Variants in KCNIP4 observed in about 807,000 individuals in gnomAD.
KCNIP4 encodes the protein potassium voltage-gated channel interacting protein 4, also known as Kv channel-interacting protein 4.
A neutral mutation model predicts 34.0 loss-of-function variants in KCNIP4; 12 were observed. That is an observed-to-expected ratio of 0.35 (90% confidence interval 0.23 to 0.57). KCNIP4 has a LOEUF of 0.57. Among genes scored for constraint, KCNIP4 ranks in the 20% least tolerant of loss-of-function variants. The pLI is 0.83. For missense variants in KCNIP4, 238 were observed against 311.7 expected (o/e 0.76, Z 1.78); for synonymous variants, 124 against 102.2 (o/e 1.21, Z -1.29).
chr4:21,610,549 C>T (rs1220633498), intron 1 of KCNIP4, among the ~76,000 whole-genome samples: 4 of 151,918 alleles, frequency 2.6e-5, no homozygotes, highest in Admixed American at 2.6e-4. Context: ...ACAATTTAGC[C>T]CATAACACAG....
chr4:21,610,301 A>G (rs1744049916), intron 1 of KCNIP4, among the ~76,000 whole-genome samples: 1 of 152,220 alleles, frequency 6.6e-6, no homozygotes, highest in Non-Finnish European at 1.5e-5. Context: ...GATCTATTCT[A>G]GACCTTTCTC....
intron 1 of KCNIP4, among the ~76,000 whole-genome samples, chr4:21,895,182 T>C (rs1177833830): frequency 2.0e-5 from 3 of 152,234 alleles, no homozygotes; most frequent in Non-Finnish European, 4.4e-5. Context: ...TGTTTTGTTT[T>C]ATTTTCTTCT....
At chr4:21,060,702 A>G (rs28735441) in intron 1 of KCNIP4, among the ~76,000 whole-genome samples, 16,532 of 152,202 alleles carry the variant, frequency 0.11, 969 homozygotes, top group South Asian at 0.15. Flanking sequence ...TCTCCCTCCA[A>G]ATGCAAGCAT....
intron 1 of KCNIP4, among the ~76,000 whole-genome samples, chr4:20,948,156 C>T (rs1461647508): frequency 1.3e-5 from 2 of 152,164 alleles, no homozygotes; most frequent in Admixed American, 6.6e-5. Context: ...TTTTCTGCTC[C>T]AGATTTGGAC....
chr4:20,748,306 C>T (rs768273514), intron 5 of KCNIP4, among the ~76,000 whole-genome samples: 16 of 152,130 alleles, frequency 1.1e-4, no homozygotes, highest in Non-Finnish European at 2.1e-4. Flanking sequence ...TCTGTCCAGC[C>T]TCTGCCCCAC....
chr4:21,613,909 T>C (rs1431532716), intron 1 of KCNIP4, among the ~76,000 whole-genome samples: 2 of 151,506 alleles, frequency 1.3e-5, no homozygotes, highest in Non-Finnish European at 2.9e-5. Flanking sequence ...CTTTGGGAGG[T>C]TGAACTGGGC....
intron 1 of KCNIP4, among the ~76,000 whole-genome samples, chr4:20,975,092 C>T (rs975018388): frequency 1.3e-5 from 2 of 152,130 alleles, no homozygotes; most frequent in Non-Finnish European, 2.9e-5. Context: ...GTGGTTATAT[C>T]TTCACCAAGA....
In KCNIP4 at chr4:21,745,518, A is replaced by G. The variant is rs145905011; in HGVS notation, c.61+203053T>C. Among the ~76,000 whole-genome samples the G allele has an allele frequency of 8.7e-3, 1,330 of 152,282 alleles. 19 individuals carry two copies. The highest frequency in any genetic ancestry group is 0.039 in the South Asian group (188 of 4,824). ...GGCATAAAAATCTTAAATTAAAGAAAGCTTTACTCTGTAAATTTAAAATTC... is the reference window on the plus strand; with the variant it reads ...GGCATAAAAATCTTAAATTAAAGAAGGCTTTACTCTGTAAATTTAAAATTC... On this transcript the variant is annotated intron_variant, in intron 1 of 8. Transcript: ENST00000382152.
At chr4:21,395,063 G>A (rs1722873077) in intron 1 of KCNIP4, among the ~76,000 whole-genome samples, 1 of 152,002 alleles carries the variant, frequency 6.6e-6, no homozygotes, top group Admixed American at 6.6e-5. Context: ...AACACGTGTG[G>A]GGACCCACTC....
intron 1 of KCNIP4, among the ~76,000 whole-genome samples, chr4:21,248,564 G>A (rs1353890726): frequency 6.6e-6 from 1 of 152,062 alleles, no homozygotes; most frequent in Non-Finnish European, 1.5e-5. Context: ...CATGGTAATG[G>A]TAGATGTGAA....
In KCNIP4 at chr4:21,304,045, G is replaced by GAC; in HGVS notation, c.62-421337_62-421336insGT. 5.3e-6 allele frequency: 3 copies of GAC among 570,732 alleles called. No individual in the cohort carries two copies. In the South Asian group the frequency reaches 1.5e-4, roughly 28 times the overall value. The allele number at this position is 570,732 out of a possible 1,614,324, so 35.4% of individuals were successfully genotyped here. On this transcript the variant is annotated intron_variant, in intron 1 of 8. Coordinates refer to ENST00000382152, the MANE Select transcript of KCNIP4 (RefSeq NM_025221.6). ...GGAGAGCGTATGAGAGAGAGAGAGAGAGAGAGAGAGAGAGAGAGAGAGACA... is the reference window on the plus strand; with the variant it reads ...GGAGAGCGTATGAGAGAGAGAGAGAGACAGAGAGAGAGAGAGAGAGAGAGACA...
intron 1 of KCNIP4, among the ~76,000 whole-genome samples, chr4:21,458,372 T>A (rs1194488026): frequency 6.6e-6 from 1 of 151,898 alleles, no homozygotes; most frequent in Non-Finnish European, 1.5e-5. Context: ...ATGTGCCACA[T>A]TTTCTTAATC....
At chr4:21,820,283 GTGTATATATATATATATATATA>G (rs1229989236) in intron 1 of KCNIP4, among the ~76,000 whole-genome samples, 1,603 of 127,512 alleles carry the variant, frequency 0.013, 59 homozygotes, top group African/African-American at 0.05. Flanking sequence ...ATGTGTGTGT[GTGTATATATATATATATATATA>G]TATATATATA....
At chr4:21,632,836 C>T (rs1207022615) in intron 1 of KCNIP4, among the ~76,000 whole-genome samples, 2 of 152,156 alleles carry the variant, frequency 1.3e-5, no homozygotes, top group African/African-American at 4.8e-5. Flanking sequence ...TGGGAACACT[C>T]TTCAAGAATT....
chr4:21,879,740 T>C (rs1463187891), intron 1 of KCNIP4, among the ~76,000 whole-genome samples: 1 of 152,164 alleles, frequency 6.6e-6, no homozygotes, highest in Non-Finnish European at 1.5e-5. Flanking sequence ...TGAATAATAA[T>C]CTATTGATAT....
intron 1 of KCNIP4, among the ~76,000 whole-genome samples, chr4:21,725,212 C>T (rs1715103668): frequency 6.6e-6 from 1 of 152,162 alleles, no homozygotes; most frequent in South Asian, 2.1e-4. Context: ...AATCAGACTT[C>T]TTAGTAAATA....
intron 1 of KCNIP4, among the ~76,000 whole-genome samples, chr4:21,275,730 C>T (rs539483567): frequency 6.6e-6 from 1 of 152,256 alleles, no homozygotes; most frequent in Non-Finnish European, 1.5e-5. Flanking sequence ...CCTTTCCTTC[C>T]TGTTGTAGGG....
chr4:20,742,919 A>G (rs1214801512), intron 5 of KCNIP4, among the ~76,000 whole-genome samples: 2 of 152,158 alleles, frequency 1.3e-5, no homozygotes, highest in Non-Finnish European at 2.9e-5. Context: ...CTATACACCA[A>G]TAATAGACAA....
At chr4:21,821,356 TATTTTTAAGGTCACTGA>T (rs1722344422) in intron 1 of KCNIP4, among the ~76,000 whole-genome samples, 1 of 152,134 alleles carries the variant, frequency 6.6e-6, no homozygotes, top group Non-Finnish European at 1.5e-5. Context: ...CCATGAAATA[TATTTTTAAGGTCACTGA>T]ATTTTTCCAC....
Sources: gnomAD v4.1 joint callset for allele counts (sites outside exome capture counted in the v4.1 genomes callset) on GRCh38, gnomAD v4.1.1 for gene constraint, MANE v1.5 for transcripts, NCBI Gene and HGNC (gene_info 2026-07-23, HGNC 2026-07-21) for gene names.